Variants in GLT8D1 observed in about 807,000 individuals in gnomAD.
GLT8D1 encodes glycosyltransferase 8 domain-containing protein 1.
In GLT8D1, 41 loss-of-function variants were observed where a neutral mutation model predicts 46.2. That is an observed-to-expected ratio of 0.89 (90% CI 0.69 to 1.15). The LOEUF (loss-of-function observed/expected upper bound fraction) is 1.15, where lower values mean the gene tolerates loss of function less well. Ranked by LOEUF, GLT8D1 falls within the 50% of genes most tolerant of loss-of-function variation. The pLI, the probability that GLT8D1 is intolerant of heterozygous loss-of-function variation, is 0.00. For missense variants in GLT8D1, 408 were observed against 449.3 expected (o/e 0.91, Z 0.83); for synonymous variants, 150 against 154.2 (o/e 0.97, Z 0.20).
intron 1 of GLT8D1, chr3:52,703,178 A>C (rs1277057485): frequency 6.7e-6 from 1 of 150,020 alleles, no homozygotes; most frequent in Non-Finnish European, 1.5e-5. Flanking sequence ...TAATCCCAGC[A>C]CTTTGGGAGG....
chr3:52,694,867 G>T lies in GLT8D1; in HGVS notation c.1094C>A (p.Thr365Asn). The change falls in exon 10 of 10, where the codon ACC (threonine) becomes AAC (asparagine). Residue 365 changes from threonine (T) to asparagine (N), a missense_variant. Thr to Asn is a moderately conservative substitution (Grantham distance 65, BLOSUM62 0). Coordinates refer to ENST00000266014, the MANE Select transcript of GLT8D1 (RefSeq NM_018446.4). ...GTTTCACTTTATGTTTGAGATCTCG[G>T]TATATCTTCGGATTAGGTTGAATTT... is the stretch of plus-strand genomic sequence containing the variant. ...TGKFNLIRRY[T>N]EISNIK 1.2e-6 allele frequency: 2 copies of T among 1,610,558 alleles called. No individual in the cohort carries two copies. Among genetic ancestry groups the T allele is most frequent in the Non-Finnish European group, 1.7e-6 (2 of 1,176,812 alleles).
chr3:52,694,914 C>T lies in GLT8D1; in HGVS notation c.1047G>A (p.Trp349Ter), dbSNP rs2097331460. The T allele has an allele frequency of 6.2e-7, 1 of 1,610,832 alleles. No individual in the cohort carries two copies. Among genetic ancestry groups the T allele is most frequent in the Non-Finnish European group, 8.5e-7 (1 of 1,176,962 alleles). The change falls in exon 10 of 10, where the codon TGG becomes TGA. Residue 349 changes from tryptophan (W) to a stop codon, truncating the protein, a stop_gained. Transcript: ENST00000266014. LOFTEE classifies it high-confidence loss of function. ...ATTTGCCTGTTGGGTCTGGAATATACCATTTTTCCCAAACATCAGTATATG... is the reference window on the plus strand; with the variant it reads ...ATTTGCCTGTTGGGTCTGGAATATATCATTTTTCCCAAACATCAGTATATG... ...TASYTDVWEK[W>*]YIPDPTGKFN...
chr3:52,696,392 T>A (rs766855491), intron 5 of GLT8D1, 74 bp from the exon 6 acceptor site: 5 of 1,133,554 alleles, frequency 4.4e-6, no homozygotes, highest in Non-Finnish European at 6.7e-6. Flanking sequence ...ACTCCTAGGA[T>A]GCTTTCAGTA....
rs923475383 is a variant in GLT8D1 at position 52,696,153 on chromosome 3, G to A, written c.532+81C>T. The A allele has an allele frequency of 3.5e-6, 4 of 1,156,068 alleles. No individual in the cohort carries two copies. The African/African-American group carries it at 4.5e-5, about 13-fold the overall frequency. 71.6% of individuals were successfully genotyped at this position (1,156,068 alleles called of 1,614,324 possible). On this transcript the variant is annotated intron_variant, in intron 6 of 9. Coordinates refer to ENST00000266014, the MANE Select transcript of GLT8D1 (RefSeq NM_018446.4). ...AGAAGACCATAAATAAACCACTACA[G>A]CCCACTGTAGCCCATTGTTTTATTT...
At chr3:52,704,320 G>C (rs1418395708) in intron 1 of GLT8D1, among the ~76,000 whole-genome samples, 2 of 151,936 alleles carry the variant, frequency 1.3e-5, no homozygotes, top group African/African-American at 4.8e-5. Flanking sequence ...TTAGCCGGGC[G>C]TGGTGGCGCA....
chr3:52,700,186 C>A, intron 3 of GLT8D1, 76 bp downstream of exon 3: 1 of 880,062 alleles, frequency 1.1e-6, no homozygotes, highest in Non-Finnish European at 1.8e-6. Context: ...GGAAGAAGAA[C>A]AACTTAGGAT....
chr3:52,699,434 A>AC (rs1279078539), intron 3 of GLT8D1, among the ~76,000 whole-genome samples: 1 of 151,990 alleles, frequency 6.6e-6, no homozygotes, highest in Non-Finnish European at 1.5e-5. Flanking sequence ...ACAGGCGCAT[A>AC]CCACCACGCC....
chr3:52,699,266 A>G (rs1241456927), intron 3 of GLT8D1, among the ~76,000 whole-genome samples: 1 of 152,030 alleles, frequency 6.6e-6, no homozygotes, highest in African/African-American at 2.4e-5. Context: ...AATTGCCTTC[A>G]TGGAGCTTAA....
intron 3 of GLT8D1, among the ~76,000 whole-genome samples, chr3:52,698,606 G>A (rs1298197243): frequency 1.3e-5 from 2 of 151,798 alleles, no homozygotes; most frequent in East Asian, 1.9e-4. Flanking sequence ...GCTTGAACTC[G>A]GGAGGTGGAG....
At chr3:52,699,065 G>GC (rs2097336964) in intron 3 of GLT8D1, among the ~76,000 whole-genome samples, 1 of 151,710 alleles carries the variant, frequency 6.6e-6, no homozygotes, top group Non-Finnish European at 1.5e-5. Context: ...ACAGTGACAT[G>GC]ATATACAGAA....
chr3:52,698,132 A>G lies in GLT8D1; in HGVS notation c.116-198T>C, dbSNP rs192900783. Among the ~76,000 whole-genome samples the G allele has an allele frequency of 1.9e-3, 293 of 152,384 alleles. 2 individuals carry two copies. Among genetic ancestry groups the G allele is most frequent in the Admixed American group, 0.015 (234 of 15,302 alleles). On this transcript the variant is annotated intron_variant, in intron 3 of 9. Coordinates refer to ENST00000266014, the MANE Select transcript of GLT8D1 (RefSeq NM_018446.4). The stretch of plus-strand genomic sequence containing the variant: ...AAGTGGAGGAAGCATTTTTTAAAAT[A>G]CACTGACAGCACTTTGGTACACTAC...
At chr3:52,704,432 C>T (rs1271845212) in intron 1 of GLT8D1, among the ~76,000 whole-genome samples, 1 of 139,734 alleles carries the variant, frequency 7.2e-6, no homozygotes, top group Non-Finnish European at 1.5e-5. Flanking sequence ...GCACTCCAGC[C>T]TGGGCAACAG....
At position 52,696,068 on chromosome 3, in the gene GLT8D1, C is replaced by G. The variant is rs1221138578; in HGVS notation, c.533-28G>C. 2.1e-6 allele frequency: 3 copies of G among 1,447,058 alleles called. No individual in the cohort carries two copies. In the South Asian group the frequency reaches 3.4e-5, roughly 17 times the overall value. 89.6% of individuals were successfully genotyped at this position (1,447,058 alleles called of 1,614,324 possible). On this transcript the variant is annotated intron_variant, in intron 6 of 9. Transcript: ENST00000266014. ...GAAATAGACAAGATGTTAAGATTTA[C>G]ATTTCCGTTGCCTTGAGAGTTCCCT...
At chr3:52,698,034 T>C in intron 3 of GLT8D1, 100 bp from the exon 4 acceptor site, 2 of 735,782 alleles carry the variant, frequency 2.7e-6, no homozygotes, top group Non-Finnish European at 2.4e-6. Flanking sequence ...GGTACTGATC[T>C]ACCTCATTCT....
In GLT8D1 at chr3:52,695,229, G is replaced by A. The variant is rs2097331889; in HGVS notation, c.886C>T (p.His296Tyr). The A allele has an allele frequency of 8.7e-6, 14 of 1,613,580 alleles. No homozygotes were observed. Among genetic ancestry groups the A allele is most frequent in the Non-Finnish European group, 1.1e-5 (13 of 1,179,698 alleles). The change falls in exon 9 of 10, where the codon CAC (histidine) becomes TAC (tyrosine). Residue 296 changes from histidine to tyrosine, a missense_variant. His to Tyr is a moderately conservative substitution (Grantham distance 83). Transcript: ENST00000266014. ...PPLLIVFYQQ[H>Y]STIDPMWNVR... ...TTCCACATAGGATCGATGGTAGAGT[G>A]CTGTTGATAAAATACGATAAGCAGA...
rs527609707 is a variant in GLT8D1 at position 52,695,539 on chromosome 3, G to T, written c.694C>A (p.Leu232Ile). The T allele has an allele frequency of 3.1e-6, 5 of 1,610,914 alleles. No homozygotes were observed. The African/African-American group carries it at 6.7e-5, about 21-fold the overall frequency. Residue 232 changes from leucine to isoleucine, a missense_variant, in exon 8 of 10, where the codon CTT (leucine) becomes ATT (isoleucine). Leu to Ile is a conservative substitution (Grantham distance 5, BLOSUM62 2). Coordinates refer to ENST00000266014, the MANE Select transcript of GLT8D1 (RefSeq NM_018446.4). ...LDYKKERIRK[L>I]SMKASTCSFN... ...GAGCAAGTGCTGGCTTTCATGGAAA[G>T]CTTACGAATTCTTTCCTTTTTATAG...
At chr3:52,699,658 A>C (rs533485640) in intron 3 of GLT8D1, among the ~76,000 whole-genome samples, 1 of 152,178 alleles carries the variant, frequency 6.6e-6, no homozygotes, top group South Asian at 2.1e-4. Context: ...TTTTTTATAA[A>C]CTTTCCTACC....
In GLT8D1 at chr3:52,696,557, C is replaced by T. The variant is rs755328809; in HGVS notation, c.432G>A (p.Gly144=). 1 of 1,573,438 alleles carries T rather than the reference C, an allele frequency of 6.4e-7. No homozygotes were observed. Among genetic ancestry groups the T allele is most frequent in the Admixed American group, 1.7e-5 (1 of 59,910 alleles). The change falls in exon 5 of 10, where the codon GGG becomes GGA. Residue 144 remains glycine, a synonymous_variant. Coordinates refer to ENST00000266014, the MANE Select transcript of GLT8D1 (RefSeq NM_018446.4). ...TGGAACTCACAGGTTTCATGGATTC[C>T]CCCTGGTCAGGATCCTCCTTTACTT... is the stretch of plus-strand genomic sequence containing the variant. ...EGKVKEDPDQ[G]ESMKPLTFAR...
chr3:52,699,899 A>T (rs962474277), intron 3 of GLT8D1, among the ~76,000 whole-genome samples: 1 of 152,212 alleles, frequency 6.6e-6, no homozygotes, highest in Admixed American at 6.5e-5. Flanking sequence ...GATATATTAT[A>T]CAACACAGTG....
Sources: allele counts gnomAD v4.1 joint callset (sites outside exome capture counted in the v4.1 genomes callset), GRCh38; gene constraint gnomAD v4.1.1; transcripts MANE v1.5; gene names NCBI Gene and HGNC (gene_info 2026-07-23, HGNC 2026-07-21).